Variants in TMEM108 observed in about 807,000 individuals in gnomAD.
The protein encoded by TMEM108 is transmembrane protein 108, also known as cancer/testis antigen 124.
TMEM108 carries 12 observed loss-of-function variants against 35.1 expected under a neutral mutation model. That is an observed-to-expected ratio of 0.34 (90% confidence interval 0.22 to 0.55). TMEM108 has a LOEUF of 0.55. Ranked by LOEUF, TMEM108 falls within the 20% of genes least tolerant of loss-of-function variation. The pLI, the probability that TMEM108 is intolerant of heterozygous loss-of-function variation, is 0.89. For synonymous variants in TMEM108, 287 were observed against 308.6 expected, an observed-to-expected ratio of 0.93 and a Z score of 0.73; for missense variants, 680 against 753.3, an observed-to-expected ratio of 0.90 and a Z score of 1.14.
chr3:133,086,297 T>C (rs1310779852), intron 2 of TMEM108, among the ~76,000 whole-genome samples: 1 of 152,090 alleles, frequency 6.6e-6, no homozygotes, highest in African/African-American at 2.4e-5. Context: ...CTCGAGCATT[T>C]GAGCTTTTTT....
At chr3:133,276,229 G>A (rs1003908238) in intron 3 of TMEM108, among the ~76,000 whole-genome samples, 2 of 152,170 alleles carry the variant, frequency 1.3e-5, no homozygotes, top group Non-Finnish European at 2.9e-5. Context: ...CCTGCATTTT[G>A]TTTTAACTCT....
At chr3:133,264,447 G>A (rs1946669090) in intron 3 of TMEM108, among the ~76,000 whole-genome samples, 1 of 152,194 alleles carries the variant, frequency 6.6e-6, no homozygotes, top group Non-Finnish European at 1.5e-5. Context: ...GTGGTTAGAA[G>A]TTTATTCTAT....
At chr3:133,091,938 A>C (rs933237447) in intron 2 of TMEM108, among the ~76,000 whole-genome samples, 2 of 152,192 alleles carry the variant, frequency 1.3e-5, no homozygotes, top group Non-Finnish European at 1.5e-5. Context: ...CTCAGAGAAA[A>C]CGCATTATTT....
At chr3:133,330,705 G>C (rs1474770657) in intron 3 of TMEM108, among the ~76,000 whole-genome samples, 1 of 152,052 alleles carries the variant, frequency 6.6e-6, no homozygotes, top group Non-Finnish European at 1.5e-5. Flanking sequence ...AGCCAGCTTT[G>C]TTGGCCTCAT....
At chr3:133,235,215 C>T (rs6439395) in intron 3 of TMEM108, among the ~76,000 whole-genome samples, 1 of 151,992 alleles carries the variant, frequency 6.6e-6, no homozygotes, top group East Asian at 1.9e-4. Flanking sequence ...CCCCATCAAG[C>T]TACCAATGAC....
At chr3:133,257,938 T>C (rs6439397) in intron 3 of TMEM108, among the ~76,000 whole-genome samples, 146,593 of 152,274 alleles carry the variant, frequency 0.96, 70,787 homozygotes, top group East Asian at 1. Context: ...ATGTATCTCC[T>C]TTAAAGGGAG....
chr3:133,045,350 T>A (rs1306040602), intron 1 of TMEM108, among the ~76,000 whole-genome samples: 1 of 152,162 alleles, frequency 6.6e-6, no homozygotes, highest in Non-Finnish European at 1.5e-5. Flanking sequence ...GTTAAGTAAC[T>A]AAGTCAAGGT....
intron 3 of TMEM108, among the ~76,000 whole-genome samples, chr3:133,340,700 C>T (rs980978171): frequency 1.3e-5 from 2 of 151,610 alleles, no homozygotes; most frequent in African/African-American, 4.8e-5. Flanking sequence ...CTGAATTCAA[C>T]AATATATTCA....
intron 3 of TMEM108, among the ~76,000 whole-genome samples, chr3:133,310,621 G>A (rs1414183029): frequency 1.5e-5 from 2 of 130,450 alleles, no homozygotes; most frequent in African/African-American, 5.8e-5. Flanking sequence ...GTGTGTCTCT[G>A]CACATTGAGG....
intron 4 of TMEM108, chr3:133,386,715 G>A: frequency 7.3e-7 from 1 of 1,365,860 alleles, no homozygotes; most frequent in Non-Finnish European, 9.4e-7. Context: ...TTAACATCTT[G>A]TGTTTGCATA....
At chr3:133,284,613 A>G (rs1293358620) in intron 3 of TMEM108, among the ~76,000 whole-genome samples, 1 of 152,192 alleles carries the variant, frequency 6.6e-6, no homozygotes, top group Non-Finnish European at 1.5e-5. Flanking sequence ...CCCAGCTCCC[A>G]TGGCTGCTGT....
chr3:133,114,658 G>T (rs1219769683), intron 2 of TMEM108, among the ~76,000 whole-genome samples: 2 of 151,896 alleles, frequency 1.3e-5, no homozygotes, highest in East Asian at 3.9e-4. Context: ...AAAAAATGAG[G>T]GTTGCTTGTA....
At position 133,153,742 on chromosome 3, in the gene TMEM108, G is replaced by A. The variant is rs559323946; in HGVS notation, c.-46-75524G>A. 1.9e-4 allele frequency among the ~76,000 whole-genome samples: 29 copies of A among 152,238 alleles called. No homozygotes were observed. The South Asian group carries it at 6.0e-3, about 32-fold the overall frequency. ...CTTAATGATGGAAAAATGACTTTTA[G>A]TGAATTCACAAAGAGGAACTTTCAG... On this transcript the variant is annotated intron_variant, in intron 2 of 5. Transcript: ENST00000321871.
intron 2 of TMEM108, among the ~76,000 whole-genome samples, chr3:133,079,575 C>G (rs2107696412): frequency 6.6e-6 from 1 of 152,302 alleles, no homozygotes; most frequent in South Asian, 2.1e-4. Flanking sequence ...GTCCCTCTTA[C>G]AAGGGCACTC....
intron 2 of TMEM108, among the ~76,000 whole-genome samples, chr3:133,154,475 C>T (rs186440012): frequency 3.3e-5 from 5 of 152,032 alleles, no homozygotes; most frequent in South Asian, 2.1e-4. Context: ...TGTCCAACAA[C>T]GATAGACTGG....
chr3:133,312,020 T>C (rs1400084383), intron 3 of TMEM108, among the ~76,000 whole-genome samples: 1 of 152,274 alleles, frequency 6.6e-6, no homozygotes, highest in Admixed American at 6.5e-5. Flanking sequence ...CAGACCCTGT[T>C]TGCCTGCGTA....
At chr3:133,161,469 A>G (rs1244757604) in intron 2 of TMEM108, among the ~76,000 whole-genome samples, 1 of 152,186 alleles carries the variant, frequency 6.6e-6, no homozygotes, top group Non-Finnish European at 1.5e-5. Context: ...CAATGCCTAG[A>G]ATAGTGCCTG....
intron 3 of TMEM108, among the ~76,000 whole-genome samples, chr3:133,231,874 A>G (rs113564607): frequency 0.013 from 2,036 of 152,290 alleles, 25 homozygotes; most frequent in South Asian, 0.045. Flanking sequence ...AGTCTCCTCA[A>G]TTATTCCAGA....
intron 2 of TMEM108, chr3:133,125,058 TAACTC>T (rs1047599474): frequency 6.6e-6 from 1 of 152,216 alleles, no homozygotes. Context: ...AATCCCAAAT[TAACTC>T]AGGGAGAATT....
Sources: allele counts gnomAD v4.1 joint callset (sites outside exome capture counted in the v4.1 genomes callset), GRCh38; gene constraint gnomAD v4.1.1; transcripts MANE v1.5; gene names NCBI Gene and HGNC (gene_info 2026-07-23, HGNC 2026-07-21).